BIRC6: variants seen among roughly 807,000 people sequenced by gnomAD.
BIRC6 encodes baculoviral IAP repeat containing 6, also known as dual E2 ubiquitin-conjugating enzyme/E3 ubiquitin-protein ligase BIRC6.
Under a neutral mutation model 503.3 loss-of-function variants are expected in BIRC6, and 98 were observed. The ratio of observed to expected loss-of-function variants is 0.19; its 90% CI spans 0.17 to 0.23. The LOEUF is 0.23. BIRC6 is among the 10% of genes least tolerant of loss of function. BIRC6 has a pLI of 1.00. For missense variants in BIRC6, 5,360 were observed against 5,806.0 expected (o/e 0.92, Z 2.50); for synonymous variants, 2,240 against 2,078.7 (o/e 1.08, Z -2.11).
intron 21 of BIRC6, among the ~76,000 whole-genome samples, chr2:32,446,396 A>G (rs2045948634): frequency 6.6e-6 from 1 of 152,254 alleles, no homozygotes; most frequent in Non-Finnish European, 1.5e-5. Flanking sequence ...GCAAAAGGTT[A>G]GATTTAAGTT....
intron 10 of BIRC6, among the ~76,000 whole-genome samples, chr2:32,422,941 A>T (rs1053363702): frequency 6.6e-6 from 1 of 151,792 alleles, no homozygotes; most frequent in Admixed American, 6.6e-5. Flanking sequence ...GGGGCTCTCT[A>T]TTTTTTTATT....
Position 32,545,747 on chromosome 2 carries a change from C to T in BIRC6, c.12697C>T (p.Leu4233Phe). The T allele has an allele frequency of 1.2e-6, 2 of 1,613,812 alleles. No individual in the cohort carries two copies. The highest frequency in any genetic ancestry group is 2.2e-5 in the South Asian group (2 of 91,076). The change falls in exon 63 of 74, where the codon CTT becomes TTT. Residue 4233 changes from leucine (L) to phenylalanine (F), a missense_variant. By Grantham distance (22) the Leu-to-Phe change is conservative. This residue lies in a region of BIRC6 where 477 missense variants were observed against 574.4 expected (regional missense o/e 0.83). Transcript: ENST00000421745. ...TTPLTTDDGVLLRRMALEIGA... is the reference protein window; with the variant it reads ...TTPLTTDDGVFLRRMALEIGA... ...ACCTTTGACAACTGATGATGGTGTACTTCTAAGGCGGATGGCATTGGAAAT... is the reference window on the plus strand; with the variant it reads ...ACCTTTGACAACTGATGATGGTGTATTTCTAAGGCGGATGGCATTGGAAAT...
At chr2:32,549,251 C>A in intron 64 of BIRC6, 62 bp from the exon 65 acceptor site, 1 of 1,226,380 alleles carries the variant, frequency 8.2e-7, no homozygotes, top group Admixed American at 2.6e-5. Flanking sequence ...AATTTCTAAC[C>A]TACAATAAAA....
At chr2:32,459,819 T>TA (rs1220669225) in intron 23 of BIRC6, among the ~76,000 whole-genome samples, 1 of 151,872 alleles carries the variant, frequency 6.6e-6, no homozygotes, top group Non-Finnish European at 1.5e-5. Context: ...ATTTAATTGT[T>TA]ATGTTGTTAT....
At position 32,358,027 on chromosome 2, in the gene BIRC6, G is replaced by T. The variant is rs1361098445; in HGVS notation, c.325+541G>T. 5.2e-3 allele frequency among the ~76,000 whole-genome samples: 435 copies of T among 83,546 alleles called. 3 individuals are homozygous for T. The highest frequency in any genetic ancestry group is 0.022 in the Middle Eastern group (4 of 182). 54.8% of individuals were successfully genotyped at this position (83,546 alleles called of 152,430 possible). A position where few individuals can be genotyped will look rare whatever the true frequency, so the allele number is the denominator to read the frequency against. ...AGACCGCGGGCTGTGCGCCCAGCGT[G>T]GGGGTGGGGGTGGGGTGGGGGTGGG... is the stretch of plus-strand genomic sequence containing the variant. On this transcript the variant is annotated intron_variant, in intron 1 of 73. Transcript: ENST00000421745.
In BIRC6 at chr2:32,598,395, A is replaced by G. The variant is rs557135969; in HGVS notation, c.13830+427A>G. Among the ~76,000 whole-genome samples the G allele has an allele frequency of 9.8e-5, 15 of 152,328 alleles. No individual in the cohort carries two copies. The South Asian group carries it at 2.5e-3, about 25-fold the overall frequency. On this transcript the variant is annotated intron_variant, in intron 69 of 73. Transcript: ENST00000421745. ...AATGTTACAGGATTTCCATTTTGTC[A>G]TCCAAGATACTTCTCTCATGTTTTT... is the stretch of plus-strand genomic sequence containing the variant.
In BIRC6 at chr2:32,448,677, G is replaced by GAGGGGAC. The variant is rs2046358223; in HGVS notation, c.4485-112_4485-111insCAGGGGA. 3 of 768,954 alleles carry GAGGGGAC rather than the reference G, an allele frequency of 3.9e-6. No homozygotes were observed. The East Asian group carries it at 8.1e-5, about 21-fold the overall frequency. 47.6% of individuals were successfully genotyped at this position (768,954 alleles called of 1,614,324 possible). On this transcript the variant is annotated intron_variant, in intron 21 of 73. Coordinates refer to ENST00000421745, the MANE Select transcript of BIRC6 (RefSeq NM_016252.4). ...TGGAGAGGGGAGAGGGGAGAGGGGA[G>GAGGGGAC]AGGGGAGAGGGAGAGCCCTCTGCGC...
intron 24 of BIRC6, among the ~76,000 whole-genome samples, chr2:32,463,692 T>C (rs1159912674): frequency 6.6e-6 from 1 of 152,232 alleles, no homozygotes; most frequent in Admixed American, 6.5e-5. Context: ...TGGAGTATAG[T>C]TCCTAAAACA....
rs1369347269 is a variant in BIRC6 at position 32,515,581 on chromosome 2, T to G, written c.11160T>G (p.Cys3720Trp). 5 of 1,613,924 alleles carry G rather than the reference T, an allele frequency of 3.1e-6. No homozygotes were observed. Among genetic ancestry groups the G allele is most frequent in the Middle Eastern group, 1.7e-4 (1 of 6,060 alleles). The change falls in exon 55 of 74, where the codon TGT becomes TGG. Residue 3720 changes from cysteine (C) to tryptophan (W), a missense_variant. Coordinates refer to ENST00000421745, the MANE Select transcript of BIRC6 (RefSeq NM_016252.4). ...GGACAGCACTTCTGTTTTTATTGTG[T>G]CACTCTGGGTCCACTTCTGGAAGCC... The part of the protein sequence containing the change: ...PLWTALLFLL[C>W]HSGSTSGSHN...
At chr2:32,499,438 A>G (rs2052886487) in intron 45 of BIRC6, 109 bp from the exon 46 acceptor site, 4 of 955,336 alleles carry the variant, frequency 4.2e-6, no homozygotes, top group Non-Finnish European at 4.5e-6. Context: ...TTGTATTGTG[A>G]TAAGTTACTA....
intron 15 of BIRC6, among the ~76,000 whole-genome samples, chr2:32,438,785 C>A (rs995419421): frequency 6.6e-6 from 1 of 152,040 alleles, no homozygotes; most frequent in Non-Finnish European, 1.5e-5. Flanking sequence ...TGGTCTCGAT[C>A]TCCTGACCTT....
intron 43 of BIRC6, among the ~76,000 whole-genome samples, chr2:32,490,583 GT>G (rs1482791733): frequency 1.3e-5 from 2 of 151,888 alleles, no homozygotes; most frequent in African/African-American, 4.8e-5. Flanking sequence ...TTCTGAATTA[GT>G]TCTTATATAT....
chr2:32,500,283 A>G (rs1259600456), intron 46 of BIRC6, among the ~76,000 whole-genome samples, 174 bp downstream of exon 46: 1 of 152,110 alleles, frequency 6.6e-6, no homozygotes, highest in Non-Finnish European at 1.5e-5. Flanking sequence ...TTAATGAATG[A>G]AAGTGAAATA....
chr2:32,468,636 C>G lies in BIRC6; in HGVS notation c.5980C>G (p.Leu1994Val), dbSNP rs751054672. The change falls in exon 29 of 74, where the codon CTC becomes GTC. Residue 1994 changes from leucine to valine, a missense_variant. Leu to Val is a conservative substitution (Grantham distance 32). Around this residue, in one of 16 missense-constraint regions of BIRC6, gnomAD observed 2,299 missense variants for 2,267.2 expected, o/e 1.01. Coordinates refer to ENST00000421745, the MANE Select transcript of BIRC6 (RefSeq NM_016252.4). ...TTTGGCTCATAATGCAGTGCAGAGGCTCAAAGTGGCGCTAGGTGCAAGCCG... is the reference window on the plus strand; with the variant it reads ...TTTGGCTCATAATGCAGTGCAGAGGGTCAAAGTGGCGCTAGGTGCAAGCCG... The part of the protein sequence containing the change: ...LNLAHNAVQR[L>V]KVALGASRKM... 3 of 1,613,880 alleles carry G rather than the reference C, an allele frequency of 1.9e-6. No homozygotes were observed. The highest frequency in any genetic ancestry group is 2.5e-6 in the Non-Finnish European group (3 of 1,179,884).
At chr2:32,606,582 G>A (rs1401787827) in intron 71 of BIRC6, among the ~76,000 whole-genome samples, 1 of 151,808 alleles carries the variant, frequency 6.6e-6, no homozygotes, top group Non-Finnish European at 1.5e-5. Context: ...AACAGAGCAA[G>A]ACTCCATCTC....
intron 1 of BIRC6, among the ~76,000 whole-genome samples, chr2:32,363,953 G>T (rs2034501185): frequency 6.6e-6 from 1 of 152,216 alleles, no homozygotes; most frequent in Admixed American, 6.5e-5. Context: ...GATGTAGATG[G>T]AAATATAAAT....
At chr2:32,419,152 A>G (rs894078929) in intron 10 of BIRC6, among the ~76,000 whole-genome samples, 5 of 152,222 alleles carry the variant, frequency 3.3e-5, no homozygotes, top group African/African-American at 1.2e-4. Flanking sequence ...ATTTGAAAAG[A>G]TAATAACAAA....
chr2:32,372,053 C>T (rs1230196750), intron 1 of BIRC6, among the ~76,000 whole-genome samples: 2 of 152,182 alleles, frequency 1.3e-5, no homozygotes, highest in African/African-American at 2.4e-5. Context: ...GATCCGCCCG[C>T]CTCGGCCTCT....
intron 63 of BIRC6, 93 bp downstream of exon 63, chr2:32,545,953 G>T: frequency 8.8e-7 from 1 of 1,132,650 alleles, no homozygotes; most frequent in Non-Finnish European, 1.3e-6. Context: ...ATCTTTCAGA[G>T]ACTTGGGTGT....
Sources: gnomAD v4.1 joint callset for allele counts (sites outside exome capture counted in the v4.1 genomes callset) on GRCh38, gnomAD v4.1.1 for gene constraint, gnomAD v4.1.1 regional missense constraint, MANE v1.5 for transcripts, NCBI Gene and HGNC (gene_info 2026-07-23, HGNC 2026-07-21) for gene names.